NELL2: variants seen among roughly 807,000 people sequenced by gnomAD.
NELL2 encodes protein kinase C-binding protein NELL2.
A neutral mutation model predicts 109.6 loss-of-function variants in NELL2; 41 were observed. The observed-to-expected ratio is 0.37, with a 90% CI of 0.29 to 0.49. The LOEUF (loss-of-function observed/expected upper bound fraction) is 0.49. Ranked by LOEUF, NELL2 falls within the 20% of genes least tolerant of loss-of-function variation. The pLI, the probability that NELL2 is intolerant of heterozygous loss-of-function variation, is 0.98. For synonymous variants in NELL2, 355 were observed against 344.7 expected, an observed-to-expected ratio of 1.03 and a Z score of -0.33; for missense variants, 900 against 1,008.3, an observed-to-expected ratio of 0.89 and a Z score of 1.45.
chr12:44,596,735 T>C (rs1300518197), intron 15 of NELL2, among the ~76,000 whole-genome samples: 1 of 152,150 alleles, frequency 6.6e-6, no homozygotes, highest in African/African-American at 2.4e-5. Flanking sequence ...CTGCCTAAAA[T>C]AGGTATTATT....
At chr12:44,596,339 G>A (rs1944962320) in intron 15 of NELL2, among the ~76,000 whole-genome samples, 1 of 152,154 alleles carries the variant, frequency 6.6e-6, no homozygotes, top group African/African-American at 2.4e-5. Flanking sequence ...CAGAAAGAGC[G>A]TGGAAAATTT....
At chr12:44,566,021 G>C (rs1943645193) in intron 15 of NELL2, among the ~76,000 whole-genome samples, 1 of 152,046 alleles carries the variant, frequency 6.6e-6, no homozygotes. Flanking sequence ...TCGAAGTCAG[G>C]GACCATAAAG....
chr12:44,624,608 T>TGG (rs1442422776), intron 13 of NELL2, among the ~76,000 whole-genome samples: 1 of 152,120 alleles, frequency 6.6e-6, no homozygotes, highest in Admixed American at 6.6e-5. Context: ...TTCCCATGAA[T>TGG]GATAAAATCC....
intron 12 of NELL2, among the ~76,000 whole-genome samples, chr12:44,676,722 A>C (rs1276639431): frequency 1.3e-5 from 2 of 151,826 alleles, no homozygotes; most frequent in African/African-American, 2.4e-5. Context: ...TTCCTGAATT[A>C]AAAAAAATAG....
chr12:44,689,083 C>T (rs1948820339), intron 12 of NELL2, among the ~76,000 whole-genome samples: 1 of 152,156 alleles, frequency 6.6e-6, no homozygotes, highest in Non-Finnish European at 1.5e-5. Context: ...GGTTGCCCTT[C>T]AAAGTCTCCC....
At chr12:44,911,022 T>C (rs918435927) in intron 1 of NELL2, among the ~76,000 whole-genome samples, 3 of 151,446 alleles carry the variant, frequency 2.0e-5, no homozygotes, top group Non-Finnish European at 3.0e-5. Flanking sequence ...GGGAGGAGGG[T>C]AAGGTTGAAA....
chr12:44,853,177 G>A (rs900226587), intron 2 of NELL2, among the ~76,000 whole-genome samples: 4 of 152,068 alleles, frequency 2.6e-5, no homozygotes, highest in Admixed American at 6.6e-5. Flanking sequence ...TTATAAAAAT[G>A]TATAACTTAA....
intron 15 of NELL2, among the ~76,000 whole-genome samples, chr12:44,547,915 C>T (rs1942867457): frequency 6.6e-6 from 1 of 152,192 alleles, no homozygotes; most frequent in Non-Finnish European, 1.5e-5. Flanking sequence ...CTTATCCAGG[C>T]TGCTGTTCTT....
chr12:44,771,834 G>C (rs1304056972), intron 9 of NELL2, among the ~76,000 whole-genome samples: 1 of 152,194 alleles, frequency 6.6e-6, no homozygotes, highest in Non-Finnish European at 1.5e-5. Flanking sequence ...CTGCAAAATA[G>C]GACTGCCCAG....
At chr12:44,883,759 T>C (rs565791911) in intron 1 of NELL2, among the ~76,000 whole-genome samples, 1 of 152,108 alleles carries the variant, frequency 6.6e-6, no homozygotes, top group East Asian at 1.9e-4. Flanking sequence ...TCTAAGTAGA[T>C]GATAAAAAGT....
chr12:44,892,729 C>T (rs1452600651), intron 1 of NELL2, among the ~76,000 whole-genome samples: 1 of 136,748 alleles, frequency 7.3e-6, no homozygotes, highest in Non-Finnish European at 1.5e-5. Context: ...ACCCGGGAGG[C>T]GGAGCTTGCA....
At position 44,830,181 on chromosome 12, in the gene NELL2, C is replaced by A. The variant is rs140427064; in HGVS notation, c.185-14045G>T. ...TAAAATATTTTTACATCTATAAAAT[C>A]TGAAAGTTATGAATAGTGCAACCTC... On this transcript the variant is annotated intron_variant, in intron 2 of 19. Transcript: ENST00000429094. Among the ~76,000 whole-genome samples the A allele has an allele frequency of 4.7e-3, 716 of 152,176 alleles. 6 individuals are homozygous for A. The highest frequency in any genetic ancestry group is 0.016 in the African/African-American group (673 of 41,544).
intron 2 of NELL2, among the ~76,000 whole-genome samples, chr12:44,858,024 T>C (rs1450489336): frequency 6.6e-6 from 1 of 152,106 alleles, no homozygotes; most frequent in African/African-American, 2.4e-5. Context: ...CCCTCAAAAG[T>C]CCAAGGGAGC....
intron 9 of NELL2, 55 bp downstream of exon 9, chr12:44,774,692 T>A: frequency 6.4e-6 from 9 of 1,397,570 alleles, no homozygotes; most frequent in Non-Finnish European, 9.2e-6. Context: ...GAATACTTAT[T>A]AATACAGTGC....
intron 9 of NELL2, among the ~76,000 whole-genome samples, chr12:44,715,696 C>T (rs1476120429): frequency 1.3e-5 from 2 of 151,988 alleles, no homozygotes; most frequent in Non-Finnish European, 2.9e-5. Flanking sequence ...TAGATCTACC[C>T]CAAGATAATT....
chr12:44,745,665 A>G (rs1304699791), intron 9 of NELL2, among the ~76,000 whole-genome samples: 1 of 152,178 alleles, frequency 6.6e-6, no homozygotes, highest in Non-Finnish European at 1.5e-5. Context: ...TAACAGACAG[A>G]GAGCCAAATC....
intron 12 of NELL2, among the ~76,000 whole-genome samples, chr12:44,672,599 G>T (rs1948178255): frequency 6.6e-6 from 1 of 152,202 alleles, no homozygotes; most frequent in Non-Finnish European, 1.5e-5. Flanking sequence ...ATAAGTATGT[G>T]TGAAATACCT....
At chr12:44,594,703 T>C (rs921557097) in intron 15 of NELL2, among the ~76,000 whole-genome samples, 1 of 152,182 alleles carries the variant, frequency 6.6e-6, no homozygotes, top group Non-Finnish European at 1.5e-5. Context: ...TCAGAAAATA[T>C]AGTGTAAATA....
At chr12:44,871,325 T>C (rs192294195) in intron 2 of NELL2, among the ~76,000 whole-genome samples, 5 of 152,362 alleles carry the variant, frequency 3.3e-5, no homozygotes, top group East Asian at 3.9e-4. Context: ...TCAACGGCTA[T>C]TTTTAAGACA....
Sources: allele counts gnomAD v4.1 joint callset (sites outside exome capture counted in the v4.1 genomes callset), GRCh38; gene constraint gnomAD v4.1.1; transcripts MANE v1.5; gene names NCBI Gene and HGNC (gene_info 2026-07-23, HGNC 2026-07-21).